Variants in CSNK2A1 observed in about 807,000 individuals in gnomAD.
CSNK2A1 encodes casein kinase 2 alpha 1.
Under a neutral mutation model 62.9 loss-of-function variants are expected in CSNK2A1, and 10 were observed. The observed-to-expected ratio is 0.16, with a 90% CI of 0.10 to 0.27. The LOEUF (loss-of-function observed/expected upper bound fraction) is 0.27. CSNK2A1 is among the 10% of genes least tolerant of loss of function. CSNK2A1 has a pLI of 1.00. For missense variants in CSNK2A1, 160 were observed against 492.0 expected, an observed-to-expected ratio of 0.33 and a Z score of 6.38; for synonymous variants, 124 against 167.8, an observed-to-expected ratio of 0.74 and a Z score of 2.02.
At chr20:485,103 A>C (rs1209393104) in intron 13 of CSNK2A1, among the ~76,000 whole-genome samples, 1 of 26,124 alleles carries the variant, frequency 3.8e-5, no homozygotes, top group African/African-American at 1.2e-4. Flanking sequence ...AAAAAAAAAA[A>C]AAAAAAATAT....
chr20:502,876 G>A (rs79792445), intron 4 of CSNK2A1: 1 of 151,716 alleles, frequency 6.6e-6, no homozygotes, highest in Non-Finnish European at 1.5e-5. Flanking sequence ...TTCTTATCTT[G>A]GTGCACTCTA....
chr20:494,837 T>A (rs1265855573), intron 8 of CSNK2A1: 2 of 152,230 alleles, frequency 1.3e-5, no homozygotes. Flanking sequence ...AGGGCTTTTG[T>A]ACTTGCTATT....
chr20:520,340 AGTT>A (rs1282800869), intron 2 of CSNK2A1, among the ~76,000 whole-genome samples: 1 of 152,192 alleles, frequency 6.6e-6, no homozygotes, highest in Non-Finnish European at 1.5e-5. Flanking sequence ...ACAAAGCTAT[AGTT>A]GTCAAAACAG....
chr20:526,620 G>C (rs1048068830), intron 2 of CSNK2A1: 2 of 151,508 alleles, frequency 1.3e-5, no homozygotes, highest in Non-Finnish European at 2.9e-5. Context: ...CTGCAGGTGG[G>C]GGGGAAGAAA....
chr20:521,975 C>T (rs547980875), intron 2 of CSNK2A1, among the ~76,000 whole-genome samples: 81 of 152,322 alleles, frequency 5.3e-4, no homozygotes, highest in Non-Finnish European at 1.0e-3. Context: ...CCCCAATCCC[C>T]GGGCCATGGG....
intron 1 of CSNK2A1, among the ~76,000 whole-genome samples, chr20:529,166 G>A (rs1411853044): frequency 2.6e-5 from 4 of 151,664 alleles, no homozygotes; most frequent in Admixed American, 1.3e-4. Context: ...CTGGGACCAC[G>A]GGCATGCACC....
At chr20:542,066 C>G (rs2019461918) in intron 1 of CSNK2A1, among the ~76,000 whole-genome samples, 1 of 152,174 alleles carries the variant, frequency 6.6e-6, no homozygotes, top group Non-Finnish European at 1.5e-5. Context: ...CTCTAAAGCC[C>G]TGTCTACAGT....
chr20:496,710 T>C (rs1406593946), intron 7 of CSNK2A1: 3 of 152,246 alleles, frequency 2.0e-5, no homozygotes, highest in South Asian at 4.1e-4. Context: ...GCAGGCTTTA[T>C]GTCAACTCTT....
intron 12 of CSNK2A1, 75 bp from the exon 13 acceptor site, chr20:486,537 G>T: frequency 1.3e-6 from 2 of 1,524,022 alleles, no homozygotes; most frequent in East Asian, 2.3e-5. Flanking sequence ...CCTGAAAGCA[G>T]CCAGCTTCAT....
rs186997033 is a variant in CSNK2A1, at chr20:495,014, T to C, written c.510+705A>G. On this transcript the variant is annotated intron_variant, in intron 8 of 13. Transcript: ENST00000217244. ...TTTTTTCTTCTACATCAAAATAACT[T>C]TCTATCCCACCAGCCTCCCTAAATG... The C allele has an allele frequency of 4.6e-5, 7 of 152,242 alleles. No homozygotes were observed. In the East Asian group the frequency reaches 1.3e-3, roughly 29 times the overall value. 9.4% of individuals were successfully genotyped at this position (152,242 alleles called of 1,614,324 possible).
chr20:517,631 G>A (rs534274151), intron 2 of CSNK2A1, among the ~76,000 whole-genome samples: 7 of 152,166 alleles, frequency 4.6e-5, no homozygotes, highest in East Asian at 1.9e-4. Context: ...CTTAAAGTAC[G>A]CACAGGAATT....
At chr20:508,758 T>C (rs1441157237) in intron 2 of CSNK2A1, 98 bp from the exon 3 acceptor site, 1 of 512,812 alleles carries the variant, frequency 2.0e-6, no homozygotes, top group Non-Finnish European at 3.4e-6. Context: ...AATATACCTC[T>C]GGCTCTCCTA....
intron 1 of CSNK2A1, among the ~76,000 whole-genome samples, chr20:530,875 A>G (rs1432875181): frequency 6.6e-6 from 1 of 152,130 alleles, no homozygotes; most frequent in East Asian, 1.9e-4. Flanking sequence ...ACCTGAGGTC[A>G]GGAGTTCATG....
chr20:542,593 C>A (rs2019475086), intron 1 of CSNK2A1, among the ~76,000 whole-genome samples: 1 of 152,034 alleles, frequency 6.6e-6, no homozygotes, highest in East Asian at 1.9e-4. Context: ...CCACCAAGCC[C>A]GGCTGATATT....
In CSNK2A1 at chr20:483,011, A is replaced by G. The variant is rs2017984696; in HGVS notation, c.*950T>C. On this transcript the variant is annotated 3_prime_UTR_variant, in exon 14 of 14. Coordinates refer to ENST00000217244, the MANE Select transcript of CSNK2A1 (RefSeq NM_177559.3). ...GGAAGTCAGTGTGGCCACATCTCCC[A>G]TTAGCTCTAGCATGAAACCTGTACA... is the stretch of plus-strand genomic sequence containing the variant. 6.6e-6 allele frequency: 1 copy of G among 152,390 alleles called. No homozygotes were observed. The allele number at this position is 152,390 out of a possible 1,614,324, so 9.4% of individuals were successfully genotyped here. A position where few individuals can be genotyped will look rare whatever the true frequency, so the allele number is the denominator to read the frequency against.
rs901566735 is a variant in CSNK2A1 at position 499,429 on chromosome 20, C to T, written c.316-124G>A. On this transcript the variant is annotated intron_variant, in intron 5 of 13. Coordinates refer to ENST00000217244, the MANE Select transcript of CSNK2A1 (RefSeq NM_177559.3). The surrounding 1 kb of genome is among the most constrained non-coding windows in gnomAD (Gnocchi z 4.2). ...GTCCTCGCCTCAGTAGTAAGAAACC[C>T]TCTATTGCTACAAGCCCTCCCCGCT... 2 of 779,762 alleles carry T rather than the reference C, an allele frequency of 2.6e-6. No individual in the cohort carries two copies. The highest frequency in any genetic ancestry group is 4.0e-6 in the Non-Finnish European group (2 of 497,554). The allele number at this position is 779,762 out of a possible 1,614,324, so 48.3% of individuals were successfully genotyped here. A position where few individuals can be genotyped will look rare whatever the true frequency, so the allele number is the denominator to read the frequency against.
At chr20:527,553 T>A (rs1181562912) in intron 2 of CSNK2A1, among the ~76,000 whole-genome samples, 2 of 152,210 alleles carry the variant, frequency 1.3e-5, no homozygotes, top group Non-Finnish European at 2.9e-5. Flanking sequence ...AAGCACACTA[T>A]GAAGCATTCC....
rs997062842 is a variant in CSNK2A1 at position 476,310 on chromosome 20, G to A, written c.*7651C>T. On this transcript the variant is annotated 3_prime_UTR_variant, in exon 14 of 14. Transcript: ENST00000217244. Reference sequence around the variant, plus strand: ...GTCTGGCTCTGTCACCCAGGCTGGAGTACACTGACGTGATCTCAGCTCACT... The same window carrying A: ...GTCTGGCTCTGTCACCCAGGCTGGAATACACTGACGTGATCTCAGCTCACT... 10 of 152,356 alleles carry A rather than the reference G, an allele frequency of 6.6e-5. No individual in the cohort carries two copies. Among genetic ancestry groups the A allele is most frequent in the Non-Finnish European group, 1.5e-4 (10 of 68,150 alleles). The allele number at this position is 152,356 out of a possible 1,614,324, so 9.4% of individuals were successfully genotyped here.
At position 520,788 on chromosome 20, in the gene CSNK2A1, C is replaced by T. The variant is rs186620289; in HGVS notation, c.-110+7145G>A. On this transcript the variant is annotated intron_variant, in intron 2 of 13. Coordinates refer to ENST00000217244, the MANE Select transcript of CSNK2A1 (RefSeq NM_177559.3). ...GTGCTGGGATTACAGGCATAATAAT[C>T]TTTTCTATAAATTGTTTTGGAAGAC... is the stretch of plus-strand genomic sequence containing the variant. 3.0e-4 allele frequency among the ~76,000 whole-genome samples: 45 copies of T among 152,282 alleles called. No homozygotes were observed. In the East Asian group the frequency reaches 8.3e-3, roughly 28 times the overall value.
Sources: gnomAD v4.1 joint callset for allele counts (sites outside exome capture counted in the v4.1 genomes callset) on GRCh38, gnomAD v4.1.1 for gene constraint, Gnocchi (gnomAD v3.1) non-coding constraint, MANE v1.5 for transcripts, NCBI Gene and HGNC (gene_info 2026-07-23, HGNC 2026-07-21) for gene names.